TENM4: variants seen among roughly 807,000 people sequenced by gnomAD.
TENM4 encodes the protein teneurin transmembrane protein 4.
TENM4 carries 82 observed loss-of-function variants against 243.3 expected under a neutral mutation model. The ratio of observed to expected loss-of-function variants is 0.34; its 90% CI spans 0.28 to 0.40. The LOEUF (loss-of-function observed/expected upper bound fraction) is 0.40. Among genes scored for constraint, TENM4 ranks in the 10% least tolerant of loss-of-function variants. The pLI is 1.00. For synonymous variants in TENM4, 1,412 were observed against 1,456.3 expected, an observed-to-expected ratio of 0.97 and a Z score of 0.69; for missense variants, 3,138 against 3,673.3, an observed-to-expected ratio of 0.85 and a Z score of 3.77.
chr11:78,955,106 G>T (rs1251558730), intron 6 of TENM4, among the ~76,000 whole-genome samples: 5 of 152,192 alleles, frequency 3.3e-5, no homozygotes, highest in Non-Finnish European at 7.3e-5. Context: ...TCACATGTTG[G>T]ACTGACCATC....
At chr11:78,863,393 C>T (rs1339250944) in intron 9 of TENM4, among the ~76,000 whole-genome samples, 1 of 152,196 alleles carries the variant, frequency 6.6e-6, no homozygotes, top group East Asian at 1.9e-4. Context: ...CTCAGGAGGT[C>T]TTGGTCTTTG....
At chr11:79,260,247 G>A (rs72937376) in intron 2 of TENM4, among the ~76,000 whole-genome samples, 8,210 of 152,148 alleles carry the variant, frequency 0.054, 333 homozygotes, top group Middle Eastern at 0.12. Context: ...GGCACCAAGG[G>A]TAAAAATTTT....
At chr11:79,368,048 T>C (rs772548375) in intron 1 of TENM4, among the ~76,000 whole-genome samples, 1 of 152,146 alleles carries the variant, frequency 6.6e-6, no homozygotes, top group Non-Finnish European at 1.5e-5. Flanking sequence ...AGTCCTACCA[T>C]GTGAGTTCGC....
intron 4 of TENM4, among the ~76,000 whole-genome samples, chr11:79,094,359 T>A (rs10899589): frequency 0.51 from 78,178 of 151,938 alleles, 20,377 homozygotes; most frequent in East Asian, 0.74. Context: ...TCCATGTGAC[T>A]GATGAAGACA....
intron 18 of TENM4, among the ~76,000 whole-genome samples, chr11:78,768,854 C>A (rs1176506123): frequency 2.0e-5 from 3 of 152,152 alleles, no homozygotes; most frequent in Non-Finnish European, 4.4e-5. Context: ...TATGCCTATG[C>A]CCCATGTTAC....
At chr11:78,940,695 T>TG (rs1366373953) in intron 6 of TENM4, among the ~76,000 whole-genome samples, 3 of 152,200 alleles carry the variant, frequency 2.0e-5, no homozygotes. Context: ...ACCCTGAGAA[T>TG]GGGCCCTGTA....
At chr11:79,365,770 AG>A (rs1389174481) in intron 1 of TENM4, among the ~76,000 whole-genome samples, 1 of 152,138 alleles carries the variant, frequency 6.6e-6, no homozygotes, top group Non-Finnish European at 1.5e-5. Flanking sequence ...ACCAGATCTC[AG>A]GGGGTCTGGG....
chr11:78,730,270 C>T (rs574006375), intron 21 of TENM4, among the ~76,000 whole-genome samples: 1 of 152,336 alleles, frequency 6.6e-6, no homozygotes, highest in African/African-American at 2.4e-5. Flanking sequence ...GGCCAGCTGC[C>T]TAAGCAGGAA....
At chr11:79,010,739 C>T (rs1858623327) in intron 6 of TENM4, among the ~76,000 whole-genome samples, 1 of 152,142 alleles carries the variant, frequency 6.6e-6, no homozygotes, top group South Asian at 2.1e-4. Context: ...CCACCATGTC[C>T]CTCCAACAAC....
intron 6 of TENM4, among the ~76,000 whole-genome samples, chr11:78,961,550 C>T (rs1292050756): frequency 3.9e-5 from 6 of 152,222 alleles, no homozygotes; most frequent in Admixed American, 3.3e-4. Context: ...TCTCTGCAGC[C>T]GGCATTTAGC....
In TENM4 at chr11:78,893,061, C is replaced by T. The variant is rs139858561; in HGVS notation, c.750-1725G>A. ...ATTTGCAGGTACAGTGCTGAGTATG[C>T]AGTGGTGGTGGGGACCTCCTCTTTT... is the stretch of plus-strand genomic sequence containing the variant. On this transcript the variant is annotated intron_variant, in intron 7 of 33. Transcript: ENST00000278550. 3.5e-3 allele frequency among the ~76,000 whole-genome samples: 534 copies of T among 152,334 alleles called. 2 individuals are homozygous for T. The highest frequency in any genetic ancestry group is 0.012 in the African/African-American group (508 of 41,572).
rs960625787 is a variant in TENM4, at chr11:78,825,845, T to C, written c.1682-11450A>G. Among the ~76,000 whole-genome samples the C allele has an allele frequency of 3.3e-5, 5 of 152,104 alleles. No individual in the cohort carries two copies. The East Asian group carries it at 9.6e-4, about 29-fold the overall frequency. ...ATGTCAAGTCTGTCTCTGGGACAAA[T>C]TACTTAAGAAATCAGTGTAAAACAC... is the stretch of plus-strand genomic sequence containing the variant. On this transcript the variant is annotated intron_variant, in intron 12 of 33. Transcript: ENST00000278550.
chr11:79,058,563 A>C (rs1288792597), intron 6 of TENM4, among the ~76,000 whole-genome samples: 4 of 152,044 alleles, frequency 2.6e-5, no homozygotes, highest in African/African-American at 4.8e-5. Context: ...AAAACAAAAA[A>C]AAGGATAATG....
chr11:79,419,566 C>A (rs1016970428), intron 1 of TENM4, among the ~76,000 whole-genome samples: 2 of 152,210 alleles, frequency 1.3e-5, no homozygotes, highest in African/African-American at 4.8e-5. Context: ...CTGGACTTGA[C>A]AGTGTGATAT....
At chr11:78,900,908 A>AT (rs1855914588) in intron 7 of TENM4, among the ~76,000 whole-genome samples, 1 of 152,154 alleles carries the variant, frequency 6.6e-6, no homozygotes, top group African/African-American at 2.4e-5. Context: ...TAGAATTCTG[A>AT]TTGTGTATTC....
At chr11:79,255,187 C>G (rs957116067) in intron 2 of TENM4, among the ~76,000 whole-genome samples, 1 of 152,236 alleles carries the variant, frequency 6.6e-6, no homozygotes, top group Non-Finnish European at 1.5e-5. Flanking sequence ...TTTTCCATCT[C>G]AAGTGTCCAA....
intron 2 of TENM4, among the ~76,000 whole-genome samples, chr11:79,296,151 G>A (rs1047240045): frequency 1.3e-5 from 2 of 152,166 alleles, no homozygotes; most frequent in East Asian, 3.9e-4. Flanking sequence ...TCCTCAAGAA[G>A]TTGTGATCCA....
At chr11:78,917,576 C>A (rs150477484) in intron 6 of TENM4, among the ~76,000 whole-genome samples, 104 of 152,088 alleles carry the variant, frequency 6.8e-4, no homozygotes, top group African/African-American at 2.3e-3. Flanking sequence ...ATACTACAAA[C>A]AGATAAAAGA....
At chr11:78,945,420 T>C (rs1284979640) in intron 6 of TENM4, among the ~76,000 whole-genome samples, 1 of 152,230 alleles carries the variant, frequency 6.6e-6, no homozygotes, top group African/African-American at 2.4e-5. Flanking sequence ...GATAAAGGTT[T>C]GTGTTCTGAC....
Sources: gnomAD v4.1 joint callset for allele counts (sites outside exome capture counted in the v4.1 genomes callset) on GRCh38, gnomAD v4.1.1 for gene constraint, MANE v1.5 for transcripts, NCBI Gene and HGNC (gene_info 2026-07-23, HGNC 2026-07-21) for gene names.